MMEL1: variants seen among roughly 807,000 people sequenced by gnomAD.
MMEL1 encodes the protein membrane metallo-endopeptidase-like 1.
MMEL1 carries 98 observed loss-of-function variants against 117.1 expected under a neutral mutation model. That is an observed-to-expected ratio of 0.84 (90% CI 0.71 to 0.99). MMEL1 has a LOEUF of 0.99. Ranked by LOEUF, MMEL1 falls within the 50% of genes least tolerant of loss-of-function variation. MMEL1 has a pLI of 0.00. For missense variants in MMEL1, 1,014 were observed against 1,049.1 expected (o/e 0.97, Z 0.46); for synonymous variants, 390 against 415.1 (o/e 0.94, Z 0.74).
At chr1:2,613,385 G>A (rs138305290) in intron 2 of MMEL1, among the ~76,000 whole-genome samples, 2 of 152,276 alleles carry the variant, frequency 1.3e-5, no homozygotes, top group South Asian at 2.1e-4. Flanking sequence ...GGACTCCAGA[G>A]GGCCTCACCT....
rs760973859 is a variant in MMEL1, at chr1:2,591,543, C to T, written c.2240+14G>A. ...TTGTGGGTGGCAAGGGGGTTGTGAGCATGGGAGACTTGCCTGTACTTCAGG... is the reference window on the plus strand; with the variant it reads ...TTGTGGGTGGCAAGGGGGTTGTGAGTATGGGAGACTTGCCTGTACTTCAGG... On this transcript the variant is annotated intron_variant, in intron 23 of 23. Transcript: ENST00000378412. 1.2e-6 allele frequency: 2 copies of T among 1,611,848 alleles called. No homozygotes were observed. Among genetic ancestry groups the T allele is most frequent in the Non-Finnish European group, 1.7e-6 (2 of 1,178,360 alleles).
intron 5 of MMEL1, 39 bp from the exon 6 acceptor site, chr1:2,609,458 G>C: frequency 6.3e-7 from 1 of 1,587,944 alleles, no homozygotes; most frequent in Non-Finnish European, 8.6e-7. Flanking sequence ...GGCCTGACGA[G>C]GCTGCAGGGG....
intron 11 of MMEL1, among the ~76,000 whole-genome samples, chr1:2,602,681 C>T (rs928899268): frequency 6.6e-6 from 1 of 152,194 alleles, no homozygotes; most frequent in Non-Finnish European, 1.5e-5. Context: ...TCAAGTGGCC[C>T]CCGAGGTCGG....
rs1232923830 is a variant in MMEL1 at position 2,595,933 on chromosome 1, C to T, written c.1500+76G>A. ...GCTGCCTTCTCCCCGTGGGGACCGTCAGGAGGCTTTGTCGGGGCGGTGCTG... is the reference window on the plus strand; with the variant it reads ...GCTGCCTTCTCCCCGTGGGGACCGTTAGGAGGCTTTGTCGGGGCGGTGCTG... On this transcript the variant is annotated intron_variant, in intron 15 of 23. Coordinates refer to ENST00000378412, the MANE Select transcript of MMEL1 (RefSeq NM_033467.4). This position sits in a 1 kb window ranked among gnomAD's most constrained non-coding sequence, Gnocchi z 4.8. 12 of 1,322,744 alleles carry T rather than the reference C, an allele frequency of 9.1e-6. No individual in the cohort carries two copies. Among genetic ancestry groups the T allele is most frequent in the Non-Finnish European group, 1.1e-5 (10 of 923,604 alleles). 81.9% of individuals were successfully genotyped at this position (1,322,744 alleles called of 1,614,324 possible).
At chr1:2,605,328 G>C (rs1473668959) in intron 9 of MMEL1, among the ~76,000 whole-genome samples, 1 of 152,182 alleles carries the variant, frequency 6.6e-6, no homozygotes, top group African/African-American at 2.4e-5. Context: ...CTGCTGCTGA[G>C]CTGAGCTTGT....
chr1:2,604,122 T>TGGCC, intron 10 of MMEL1, 25 bp downstream of exon 10: 286 of 1,357,316 alleles, frequency 2.1e-4, no homozygotes, highest in Non-Finnish European at 2.7e-4. Flanking sequence ...CGCTGCCCGC[T>TGGCC]CCCCACCCGC....
chr1:2,593,748 G>A, intron 19 of MMEL1, 66 bp downstream of exon 19: 2 of 1,508,290 alleles, frequency 1.3e-6, no homozygotes, highest in Non-Finnish European at 8.9e-7. Flanking sequence ...GCGCCCCCAG[G>A]CCCCTTCCTG....
At chr1:2,591,494 G>C (rs1334069834) in intron 23 of MMEL1, 63 bp downstream of exon 23, 1 of 1,327,524 alleles carries the variant, frequency 7.5e-7, no homozygotes, top group Non-Finnish European at 1.1e-6. Context: ...TCTTTTACAG[G>C]CCACTGGGGT....
intron 2 of MMEL1, among the ~76,000 whole-genome samples, chr1:2,615,853 A>G (rs1300261639): frequency 6.6e-6 from 1 of 152,218 alleles, no homozygotes; most frequent in Non-Finnish European, 1.5e-5. Flanking sequence ...AGACTCAGAG[A>G]GCAATATTTG....
chr1:2,596,494 G>A (rs903185319), intron 14 of MMEL1, 67 bp downstream of exon 14: 30 of 1,576,564 alleles, frequency 1.9e-5, no homozygotes, highest in Non-Finnish European at 2.6e-5. Context: ...GGGAGTCTCA[G>A]GGCAGGGAGG....
chr1:2,627,276 G>A (rs758376158), intron 2 of MMEL1, among the ~76,000 whole-genome samples: 1 of 152,208 alleles, frequency 6.6e-6, no homozygotes, highest in Non-Finnish European at 1.5e-5. Flanking sequence ...GGTAAATTAG[G>A]TAAGATTTGA....
intron 2 of MMEL1, among the ~76,000 whole-genome samples, chr1:2,620,212 T>C (rs1365951617): frequency 2.6e-5 from 4 of 152,202 alleles, no homozygotes; most frequent in Non-Finnish European, 5.9e-5. Flanking sequence ...GCAGTTAGGC[T>C]GACTGTACTT....
At position 2,603,905 on chromosome 1, in the gene MMEL1, C is replaced by T; in HGVS notation, c.1020G>A (p.Leu340=). ...ALYHRMGLEE[L]QSQFGLKGFN... is the part of the protein sequence containing the mutation. ...TCACCTTCAGGCCAAACTGGCTTTG[C>T]AGCTCCTCCAGTCCCATCCGGTGGT... The change falls in exon 11 of 24, where the codon CTG becomes CTA. Residue 340 remains leucine (L), a synonymous_variant. Coordinates refer to ENST00000378412, the MANE Select transcript of MMEL1 (RefSeq NM_033467.4). 1 of 1,613,814 alleles carries T rather than the reference C, an allele frequency of 6.2e-7. No individual in the cohort carries two copies. Among genetic ancestry groups the T allele is most frequent in the Non-Finnish European group, 8.5e-7 (1 of 1,179,994 alleles).
intron 6 of MMEL1, among the ~76,000 whole-genome samples, 154 bp downstream of exon 6, chr1:2,609,185 C>T (rs374223251): frequency 7.9e-5 from 12 of 152,230 alleles, no homozygotes; most frequent in Non-Finnish European, 2.9e-5. Flanking sequence ...TGGCTGGGAG[C>T]GGGACACAGC....
At chr1:2,607,376 G>A (rs1198156397) in intron 6 of MMEL1, among the ~76,000 whole-genome samples, 2 of 152,078 alleles carry the variant, frequency 1.3e-5, no homozygotes, top group African/African-American at 4.8e-5. Flanking sequence ...CAGCCCCTGG[G>A]GCCTGGGAGC....
chr1:2,614,377 A>G (rs1001917875), intron 2 of MMEL1, among the ~76,000 whole-genome samples: 3 of 152,228 alleles, frequency 2.0e-5, no homozygotes, highest in Admixed American at 2.0e-4. Flanking sequence ...GTTGTCCTAC[A>G]TGGGATCCCA....
intron 2 of MMEL1, among the ~76,000 whole-genome samples, chr1:2,620,578 G>T (rs965841969): frequency 6.6e-6 from 1 of 152,032 alleles, no homozygotes; most frequent in Non-Finnish European, 1.5e-5. Flanking sequence ...TGGGGATAGG[G>T]CCTGTGAGGA....
chr1:2,629,013 C>A (rs935525037), intron 2 of MMEL1, among the ~76,000 whole-genome samples: 176 of 152,050 alleles, frequency 1.2e-3, no homozygotes, highest in African/African-American at 4.2e-3. Flanking sequence ...CTGCGCCCCC[C>A]ACCCTCCGGG....
chr1:2,626,168 G>T (rs1638265968), intron 2 of MMEL1, among the ~76,000 whole-genome samples: 1 of 152,206 alleles, frequency 6.6e-6, no homozygotes, highest in Non-Finnish European at 1.5e-5. Flanking sequence ...TTCATGGGCT[G>T]TAGCCAATGG....
Sources: allele counts gnomAD v4.1 joint callset (sites outside exome capture counted in the v4.1 genomes callset), GRCh38; gene constraint gnomAD v4.1.1; non-coding constraint Gnocchi (gnomAD v3.1); transcripts MANE v1.5; gene names NCBI Gene and HGNC (gene_info 2026-07-23, HGNC 2026-07-21).